SLC25A21: variants seen among roughly 807,000 people sequenced by gnomAD.
SLC25A21 encodes solute carrier family 25 member 21, also known as mitochondrial 2-oxodicarboxylate carrier.
SLC25A21 carries 47 observed loss-of-function variants against 43.8 expected under a neutral mutation model. The ratio of observed to expected loss-of-function variants is 1.07; its 90% CI spans 0.85 to 1.37. The LOEUF is 1.37. Ranked by LOEUF, SLC25A21 falls within the 40% of genes most tolerant of loss-of-function variation. SLC25A21 has a pLI of 0.00. For synonymous variants in SLC25A21, 131 were observed against 121.3 expected (o/e 1.08, Z -0.52); for missense variants, 352 against 350.2 (o/e 1.00, Z -0.04).
At chr14:36,999,515 G>C (rs1300858074) in intron 1 of SLC25A21, among the ~76,000 whole-genome samples, 5 of 152,086 alleles carry the variant, frequency 3.3e-5, no homozygotes, top group African/African-American at 1.2e-4. Context: ...AGGGACTTTA[G>C]GTGATAATGA....
intron 1 of SLC25A21, among the ~76,000 whole-genome samples, chr14:37,112,531 T>C (rs894188049): frequency 8.5e-5 from 13 of 152,220 alleles, no homozygotes; most frequent in African/African-American, 3.1e-4. Flanking sequence ...CTTCTTACTT[T>C]TAGCTGGACA....
intron 2 of SLC25A21, among the ~76,000 whole-genome samples, chr14:36,866,136 G>A (rs1415185116): frequency 6.6e-6 from 1 of 151,998 alleles, no homozygotes; most frequent in East Asian, 1.9e-4. Flanking sequence ...TTTGACACGG[G>A]GTTTCTTTAA....
intron 1 of SLC25A21, among the ~76,000 whole-genome samples, chr14:37,072,838 G>A (rs146069343): frequency 3.9e-5 from 6 of 152,280 alleles, no homozygotes; most frequent in African/African-American, 7.2e-5. Context: ...TAAAAGAACC[G>A]CTGGTTATGA....
chr14:36,866,047 G>C (rs1180110343), intron 2 of SLC25A21, among the ~76,000 whole-genome samples: 1 of 152,162 alleles, frequency 6.6e-6, no homozygotes, highest in African/African-American at 2.4e-5. Context: ...TCTATGAGCA[G>C]ATGTGAAAAT....
At chr14:36,731,681 A>G (rs79952696) in intron 4 of SLC25A21, among the ~76,000 whole-genome samples, 2,220 of 152,230 alleles carry the variant, frequency 0.015, 49 homozygotes, top group African/African-American at 0.048. Context: ...CTGTTCCCTC[A>G]AAGCCTTTTG....
chr14:37,129,368 T>C (rs959607345), intron 1 of SLC25A21, among the ~76,000 whole-genome samples: 3 of 152,198 alleles, frequency 2.0e-5, no homozygotes, highest in African/African-American at 7.2e-5. Flanking sequence ...GCAACTGTTA[T>C]CTTGTGCAGT....
intron 1 of SLC25A21, among the ~76,000 whole-genome samples, chr14:36,988,176 A>C (rs1308207157): frequency 6.6e-6 from 1 of 152,114 alleles, no homozygotes; most frequent in Non-Finnish European, 1.5e-5. Flanking sequence ...ATATCGGGGG[A>C]GAGAGGTAAG....
chr14:36,807,757 T>TCTTA lies in SLC25A21; in HGVS notation c.203+6160_203+6161insTAAG, dbSNP rs1888096290. On this transcript the variant is annotated intron_variant, in intron 3 of 9. Coordinates refer to ENST00000331299, the MANE Select transcript of SLC25A21 (RefSeq NM_030631.4). ...AGAAAATGTCCAAATCTTACTAAGT[T>TCTTA]GTAGAGCTGTGGGCATCACACTTCC... Among the ~76,000 whole-genome samples the TCTTA allele has an allele frequency of 3.3e-5, 5 of 152,164 alleles. No individual in the cohort carries two copies. In the South Asian group the frequency reaches 1.0e-3, roughly 32 times the overall value.
intron 2 of SLC25A21, among the ~76,000 whole-genome samples, chr14:36,820,973 TTAAA>T (rs1325191584): frequency 6.6e-6 from 1 of 152,216 alleles, no homozygotes; most frequent in Non-Finnish European, 1.5e-5. Flanking sequence ...TGTAGGAAGA[TTAAA>T]TAAATAAAGA....
Position 36,817,307 on chromosome 14 carries a change from T to A in SLC25A21, c.120-3306A>T, listed in dbSNP as rs118143800. ...TGTTCACGAGGGGAGCAATTACTGC[T>A]TTCTGCAGAAGTTCAGCAAGGGTTT... On this transcript the variant is annotated intron_variant, in intron 2 of 9. Transcript: ENST00000331299. Among the ~76,000 whole-genome samples the A allele has an allele frequency of 9.6e-4, 146 of 152,232 alleles. 5 individuals carry two copies. In the East Asian group the frequency reaches 0.026, roughly 27 times the overall value.
rs1327267422 is a variant in SLC25A21, at chr14:36,678,314, T to G, written c.*2344A>C. The G allele has an allele frequency of 1.4e-5, 8 of 578,684 alleles. No homozygotes were observed. Among genetic ancestry groups the G allele is most frequent in the Non-Finnish European group, 2.4e-5 (8 of 329,504 alleles). 35.8% of individuals were successfully genotyped at this position (578,684 alleles called of 1,614,324 possible). ...GACTGCTTTTTTCAGACAGCAGATATCTTATAGAGAGCTTTGAACTGCATT... is the reference window on the plus strand; with the variant it reads ...GACTGCTTTTTTCAGACAGCAGATAGCTTATAGAGAGCTTTGAACTGCATT... On this transcript the variant is annotated 3_prime_UTR_variant, in exon 10 of 10. Coordinates refer to ENST00000331299, the MANE Select transcript of SLC25A21 (RefSeq NM_030631.4).
At chr14:36,881,632 A>C (rs755992383) in intron 1 of SLC25A21, among the ~76,000 whole-genome samples, 1 of 152,184 alleles carries the variant, frequency 6.6e-6, no homozygotes, top group Non-Finnish European at 1.5e-5. Flanking sequence ...AAAAGAGACA[A>C]TAGTGAGTGT....
chr14:37,082,884 T>G (rs1190155390), intron 1 of SLC25A21, among the ~76,000 whole-genome samples: 3 of 152,246 alleles, frequency 2.0e-5, no homozygotes, highest in African/African-American at 4.8e-5. Context: ...CTTTCAACAC[T>G]GCTATAACTC....
At chr14:36,737,419 C>A (rs1885086826) in intron 3 of SLC25A21, among the ~76,000 whole-genome samples, 1 of 152,158 alleles carries the variant, frequency 6.6e-6, no homozygotes, top group South Asian at 2.1e-4. Flanking sequence ...CTTCCCTTCT[C>A]TCTGCTCAGC....
At chr14:37,163,592 G>T (rs1007431598) in intron 1 of SLC25A21, among the ~76,000 whole-genome samples, 4 of 152,034 alleles carry the variant, frequency 2.6e-5, no homozygotes, top group Admixed American at 6.6e-5. Context: ...AAGAAAAATC[G>T]ATCAAAATCT....
intron 3 of SLC25A21, among the ~76,000 whole-genome samples, chr14:36,738,315 C>CT (rs34545015): frequency 8.6e-5 from 13 of 150,646 alleles, no homozygotes; most frequent in South Asian, 2.1e-4. Context: ...GAAGCAGATA[C>CT]TTTTTTTTTT....
intron 1 of SLC25A21, among the ~76,000 whole-genome samples, chr14:36,878,589 T>G (rs948872665): frequency 6.6e-6 from 1 of 152,148 alleles, no homozygotes; most frequent in Admixed American, 6.5e-5. Flanking sequence ...AGAAGTGACC[T>G]CAAGAAACTG....
At chr14:37,012,533 T>A (rs797003459) in intron 1 of SLC25A21, among the ~76,000 whole-genome samples, 1 of 152,184 alleles carries the variant, frequency 6.6e-6, no homozygotes, top group Non-Finnish European at 1.5e-5. Flanking sequence ...ATCTCAATTA[T>A]CACAGAAAAT....
chr14:37,133,143 G>GCGCACACACACA (rs144803616), intron 1 of SLC25A21, among the ~76,000 whole-genome samples: 1 of 147,962 alleles, frequency 6.8e-6, no homozygotes, highest in African/African-American at 2.5e-5. Flanking sequence ...GTGCACTCGT[G>GCGCACACACACA]CACACACACA....
Sources: gnomAD v4.1 joint callset for allele counts (sites outside exome capture counted in the v4.1 genomes callset) on GRCh38, gnomAD v4.1.1 for gene constraint, MANE v1.5 for transcripts, NCBI Gene and HGNC (gene_info 2026-07-23, HGNC 2026-07-21) for gene names.